Variants in PKIB observed in about 807,000 individuals in gnomAD.
The protein encoded by PKIB is PKI-beta.
Under a neutral mutation model 4.5 loss-of-function variants are expected in PKIB, and 2 were observed. That is an observed-to-expected ratio of 0.44 (90% CI 0.18 to 1.39). The LOEUF is 1.39. Among genes scored for constraint, PKIB ranks in the 40% most tolerant of loss-of-function variants. The pLI is 0.27. For missense variants in PKIB, 94 were observed against 92.6 expected (o/e 1.02, Z -0.06); for synonymous variants, 38 against 36.0 (o/e 1.06, Z -0.20).
intron 3 of PKIB, among the ~76,000 whole-genome samples, chr6:122,597,240 G>A (rs1313359766): frequency 6.6e-6 from 1 of 152,210 alleles, no homozygotes; most frequent in Non-Finnish European, 1.5e-5. Context: ...ATATCTTGTA[G>A]AAGCGAAAAG....
At chr6:122,484,553 C>A (rs1775709621) in intron 2 of PKIB, among the ~76,000 whole-genome samples, 1 of 152,154 alleles carries the variant, frequency 6.6e-6, no homozygotes, top group Admixed American at 6.5e-5. Flanking sequence ...TAAAAAGGGG[C>A]AGTCCCAAAG....
intron 2 of PKIB, among the ~76,000 whole-genome samples, chr6:122,650,377 G>A (rs1776503369): frequency 6.6e-6 from 1 of 152,152 alleles, no homozygotes; most frequent in Non-Finnish European, 1.5e-5. Context: ...TCTAAGTGGA[G>A]ACAGCTCTGG....
intron 1 of PKIB, among the ~76,000 whole-genome samples, chr6:122,620,230 T>C (rs1308639353): frequency 6.6e-6 from 1 of 152,186 alleles, no homozygotes; most frequent in Non-Finnish European, 1.5e-5. Context: ...ACTCTAGTAA[T>C]TGGTGTACAG....
intron 2 of PKIB, among the ~76,000 whole-genome samples, chr6:122,513,822 A>G (rs970989592): frequency 1.3e-5 from 2 of 152,216 alleles, no homozygotes; most frequent in African/African-American, 4.8e-5. Flanking sequence ...TTCTTTTTAA[A>G]TAGCTGCATA....
chr6:122,611,185 G>C (rs910608550), intron 1 of PKIB, among the ~76,000 whole-genome samples: 1 of 152,208 alleles, frequency 6.6e-6, no homozygotes, highest in African/African-American at 2.4e-5. Context: ...AGGGAGCGGA[G>C]GGCCTGTGTT....
chr6:122,681,662 T>C (rs1438717924), intron 3 of PKIB, among the ~76,000 whole-genome samples: 1 of 152,232 alleles, frequency 6.6e-6, no homozygotes, highest in Non-Finnish European at 1.5e-5. Context: ...GATCAATATG[T>C]CACCATTCAG....
chr6:122,581,642 A>T (rs1773707560), intron 2 of PKIB: 1 of 152,158 alleles, frequency 6.6e-6, no homozygotes. Flanking sequence ...TTACACAAAC[A>T]TAATCCTCCT....
chr6:122,696,646 C>T (rs1778584744), intron 3 of PKIB, among the ~76,000 whole-genome samples: 1 of 152,166 alleles, frequency 6.6e-6, no homozygotes, highest in Non-Finnish European at 1.5e-5. Flanking sequence ...TTTCATGGAC[C>T]TCATGGAGGG....
At chr6:122,475,711 G>C (rs1775437599) in intron 1 of PKIB, among the ~76,000 whole-genome samples, 1 of 152,102 alleles carries the variant, frequency 6.6e-6, no homozygotes, top group Admixed American at 6.6e-5. Flanking sequence ...GCTCGAACCT[G>C]GGAGGCAGAG....
intron 2 of PKIB, among the ~76,000 whole-genome samples, chr6:122,515,978 G>T (rs1438508360): frequency 6.6e-6 from 1 of 152,158 alleles, no homozygotes. Context: ...CTCCCAAAGT[G>T]TTGGGATTAC....
chr6:122,663,447 A>G (rs774394605), intron 2 of PKIB, among the ~76,000 whole-genome samples: 22 of 152,190 alleles, frequency 1.4e-4, no homozygotes, highest in Non-Finnish European at 2.6e-4. Context: ...GGCTGCCACA[A>G]GAAAGTACCA....
intron 2 of PKIB, among the ~76,000 whole-genome samples, chr6:122,638,502 T>C (rs1216581877): frequency 6.6e-6 from 1 of 152,170 alleles, no homozygotes; most frequent in East Asian, 1.9e-4. Context: ...CAGAGAGCAC[T>C]CACTCTGCTT....
At chr6:122,530,813 C>T (rs1347314941) in intron 2 of PKIB, among the ~76,000 whole-genome samples, 2 of 152,160 alleles carry the variant, frequency 1.3e-5, no homozygotes, top group African/African-American at 4.8e-5. Flanking sequence ...GGCAAAAGCC[C>T]CAATATGGGA....
At chr6:122,569,139 C>T (rs963299392) in intron 2 of PKIB, among the ~76,000 whole-genome samples, 1 of 152,196 alleles carries the variant, frequency 6.6e-6, no homozygotes, top group African/African-American at 2.4e-5. Flanking sequence ...AGAGTCAGAG[C>T]ACAGACCCGC....
At chr6:122,486,943 A>G (rs947730014) in intron 2 of PKIB, among the ~76,000 whole-genome samples, 8 of 104,952 alleles carry the variant, frequency 7.6e-5, no homozygotes, top group East Asian at 2.5e-4. Context: ...CTGTCTATCT[A>G]TCTATCTAAC....
At chr6:122,582,552 A>AGGTT (rs1366341956) in intron 2 of PKIB, among the ~76,000 whole-genome samples, 1 of 152,098 alleles carries the variant, frequency 6.6e-6, no homozygotes, top group Non-Finnish European at 1.5e-5. Flanking sequence ...TCCCTCAAAG[A>AGGTT]GGTTGAGCTA....
Position 122,633,317 on chromosome 6 carries a change from A to G in PKIB, c.-126A>G, listed in dbSNP as rs1346089209. On this transcript the variant is annotated 5_prime_UTR_variant, in exon 2 of 5. Transcript: ENST00000368452. ...TATACTGAAAAGACACTTCATCAAG[A>G]TAACTCTGGGAGAAGCAGAAAACCC... 1 of 152,176 alleles carries G rather than the reference A, an allele frequency of 6.6e-6. No homozygotes were observed. The highest frequency in any genetic ancestry group is 1.5e-5 in the Non-Finnish European group (1 of 68,020). 9.4% of individuals were successfully genotyped at this position (152,176 alleles called of 1,614,324 possible).
At chr6:122,557,760 C>T (rs926931370) in intron 2 of PKIB, among the ~76,000 whole-genome samples, 2 of 152,188 alleles carry the variant, frequency 1.3e-5, no homozygotes, top group Admixed American at 6.5e-5. Flanking sequence ...GTGCTGTCCT[C>T]AGATTTACCT....
chr6:122,499,476 A>G (rs1173232318), intron 2 of PKIB, among the ~76,000 whole-genome samples: 1 of 152,180 alleles, frequency 6.6e-6, no homozygotes, highest in African/African-American at 2.4e-5. Flanking sequence ...TTGTCTCAGT[A>G]GACACAGAAA....
Sources: gnomAD v4.1 joint callset for allele counts (sites outside exome capture counted in the v4.1 genomes callset) on GRCh38, gnomAD v4.1.1 for gene constraint, MANE v1.5 for transcripts, NCBI Gene and HGNC (gene_info 2026-07-23, HGNC 2026-07-21) for gene names.